The following TRAP1 variants were observed in gnomAD, a reference collection of about 807,000 sequenced individuals.
TRAP1 encodes TNF receptor associated protein 1.
Under a neutral mutation model 89.1 loss-of-function variants are expected in TRAP1, and 102 were observed. The ratio of observed to expected loss-of-function variants is 1.15; its 90% CI spans 0.98 to 1.35. The LOEUF (loss-of-function observed/expected upper bound fraction) is 1.35. Ranked by LOEUF, TRAP1 falls within the 40% of genes most tolerant of loss-of-function variation. The pLI is 0.00. For synonymous variants in TRAP1, 508 were observed against 388.0 expected, an observed-to-expected ratio of 1.31 and a Z score of -3.64; for missense variants, 1,256 against 945.3, an observed-to-expected ratio of 1.33 and a Z score of -4.31.
chr16:3,670,104 C>T (rs537925400), intron 11 of TRAP1, among the ~76,000 whole-genome samples: 5 of 151,828 alleles, frequency 3.3e-5, no homozygotes, highest in Non-Finnish European at 5.9e-5. Context: ...AAAAACAGGC[C>T]GGGCGCAGTG....
At chr16:3,684,434 C>G (rs2051112647) in intron 4 of TRAP1, among the ~76,000 whole-genome samples, 1 of 152,094 alleles carries the variant, frequency 6.6e-6, no homozygotes, top group Admixed American at 6.6e-5. Flanking sequence ...CTCTGAGACC[C>G]CACAAGAAAG....
intron 2 of TRAP1, chr16:3,689,893 T>C (rs1372323174): frequency 6.6e-6 from 1 of 152,044 alleles, no homozygotes; most frequent in Non-Finnish European, 1.5e-5. Context: ...GCAGGACAAA[T>C]CCTCCCACTG....
At position 3,664,310 on chromosome 16, in the gene TRAP1, T is replaced by TG. The variant is rs1567224007; in HGVS notation, c.1532dup (p.Pro512ThrfsTer4). The TG allele has an allele frequency of 6.2e-7, 1 of 1,609,996 alleles. No individual in the cohort carries two copies. ...TCTTCTTCATGGCCTCATAGTAGGG[T>TG]GAGTGCTCTGCCAGGTGACGGTTGG... On this transcript the variant is annotated frameshift_variant, in exon 13 of 18. Transcript: ENST00000246957. LOFTEE classifies it high-confidence loss of function.
chr16:3,707,785 C>G (rs58338291), intron 1 of TRAP1, among the ~76,000 whole-genome samples: 1 of 149,024 alleles, frequency 6.7e-6, no homozygotes, highest in Non-Finnish European at 1.5e-5. Context: ...ACTCGGGAAG[C>G]GAAGGCTGCA....
At chr16:3,700,968 T>A (rs2051357368) in intron 1 of TRAP1, among the ~76,000 whole-genome samples, 3 of 152,218 alleles carry the variant, frequency 2.0e-5, no homozygotes, top group Admixed American at 6.5e-5. Context: ...CATCGATATT[T>A]ACTCTTACAT....
intron 7 of TRAP1, among the ~76,000 whole-genome samples, chr16:3,675,804 G>T (rs536391395): frequency 2.6e-5 from 4 of 152,326 alleles, no homozygotes; most frequent in Admixed American, 2.6e-4. Flanking sequence ...CGCAGAGGAA[G>T]GAGGAGGAGG....
rs1484033679 is a variant in TRAP1, at chr16:3,664,111, GA to G, written c.1569+162del. On this transcript the variant is annotated intron_variant, in intron 13 of 17. Coordinates refer to ENST00000246957, the MANE Select transcript of TRAP1 (RefSeq NM_016292.3). ...AAAACCACATGTGACCTCCAAGTGG[GA>G]AACAGCCGTCACAGTCGGTCCGGCC... 6 of 717,098 alleles carry G rather than the reference GA, an allele frequency of 8.4e-6. No homozygotes were observed. The African/African-American group carries it at 9.2e-5, about 11-fold the overall frequency. The allele number at this position is 717,098 out of a possible 1,614,324, so 44.4% of individuals were successfully genotyped here.
intron 1 of TRAP1, among the ~76,000 whole-genome samples, chr16:3,692,748 G>A (rs915695198): frequency 6.0e-5 from 9 of 149,078 alleles, no homozygotes; most frequent in African/African-American, 1.7e-4. Context: ...ACAGGCGCCT[G>A]CCACCACACC....
Position 3,658,153 on chromosome 16 carries a change from A to T in TRAP1, c.2091T>A (p.Leu697=). The T allele has an allele frequency of 6.2e-7, 1 of 1,614,050 alleles. No homozygotes were observed. Among genetic ancestry groups the T allele is most frequent in the East Asian group, 2.2e-5 (1 of 44,878 alleles). The change falls in exon 18 of 18, where the codon CTT becomes CTA. Residue 697 remains leucine (L), a synonymous_variant. Transcript: ENST00000246957. Reference sequence around the variant, plus strand: ...GTCAGTGTCGCTCCAGGGCCTTGACAAGCAGCTCATTCAAGCGGCCCACCA... The same window carrying T: ...GTCAGTGTCGCTCCAGGGCCTTGACTAGCAGCTCATTCAAGCGGCCCACCA... The part of the protein sequence containing the change: ...RAMVGRLNEL[L]VKALERH
At chr16:3,715,463 T>A (rs1432487116) in intron 1 of TRAP1, among the ~76,000 whole-genome samples, 2 of 151,258 alleles carry the variant, frequency 1.3e-5, no homozygotes, top group Admixed American at 1.3e-4. Flanking sequence ...GAAAAAGAGA[T>A]AAAGAAACAG....
chr16:3,716,267 G>A (rs937705551), intron 1 of TRAP1, among the ~76,000 whole-genome samples: 1 of 152,158 alleles, frequency 6.6e-6, no homozygotes, highest in Non-Finnish European at 1.5e-5. Context: ...AAATTGATAA[G>A]GCCTTTTTGG....
chr16:3,674,688 C>G, intron 8 of TRAP1, 194 bp from the exon 9 acceptor site: 1 of 654,290 alleles, frequency 1.5e-6, no homozygotes, highest in South Asian at 1.9e-5. Context: ...ACACACAAGG[C>G]TCTGGGGCAG....
chr16:3,666,278 A>G (rs1306479261), intron 11 of TRAP1, among the ~76,000 whole-genome samples, 160 bp from the exon 12 acceptor site: 1 of 152,180 alleles, frequency 6.6e-6, no homozygotes. Flanking sequence ...AGAAAGACAG[A>G]AACCCTGGGC....
At chr16:3,675,520 C>T in intron 7 of TRAP1, 123 bp from the exon 8 acceptor site, 1 of 891,096 alleles carries the variant, frequency 1.1e-6, no homozygotes, top group African/African-American at 1.6e-5. Flanking sequence ...GTACACTTCA[C>T]AGGTACAGAA....
At chr16:3,658,574 G>A (rs945365977) in intron 17 of TRAP1, 2 of 584,150 alleles carry the variant, frequency 3.4e-6, no homozygotes, top group Admixed American at 3.1e-5. Context: ...TCGGGAGGCT[G>A]AGGCAGGGGA....
intron 1 of TRAP1, among the ~76,000 whole-genome samples, chr16:3,715,321 C>G (rs540594098): frequency 6.6e-6 from 1 of 152,120 alleles, no homozygotes; most frequent in African/African-American, 2.4e-5. Flanking sequence ...GCCTAAAGTC[C>G]CAGCTACTCG....
At chr16:3,663,399 C>T (rs548051450) in intron 14 of TRAP1, 25 bp downstream of exon 14, 30 of 1,613,648 alleles carry the variant, frequency 1.9e-5, no homozygotes, top group East Asian at 8.9e-5. Context: ...ACCAGCCCCA[C>T]GCCTAGAGAG....
At chr16:3,688,109 T>C (rs2051162418) in intron 3 of TRAP1, among the ~76,000 whole-genome samples, 2 of 152,162 alleles carry the variant, frequency 1.3e-5, no homozygotes, top group African/African-American at 2.4e-5. Flanking sequence ...AATCAGCATG[T>C]CAACGATGGT....
intron 1 of TRAP1, among the ~76,000 whole-genome samples, chr16:3,696,382 G>A (rs1221629589): frequency 1.3e-5 from 2 of 152,162 alleles, no homozygotes; most frequent in Non-Finnish European, 2.9e-5. Context: ...AATAACGAAC[G>A]ACAATAATGG....
Sources: allele counts gnomAD v4.1 joint callset (sites outside exome capture counted in the v4.1 genomes callset), GRCh38; gene constraint gnomAD v4.1.1; transcripts MANE v1.5; gene names NCBI Gene and HGNC (gene_info 2026-07-23, HGNC 2026-07-21).